ERC2: variants seen among roughly 807,000 people sequenced by gnomAD.
ERC2 encodes ELKS/RAB6-interacting/CAST family member 2.
In ERC2, 42 loss-of-function variants were observed where a neutral mutation model predicts 114.8. The ratio of observed to expected loss-of-function variants is 0.37; its 90% confidence interval spans 0.29 to 0.47. The LOEUF is 0.47. Ranked by LOEUF, ERC2 falls within the 20% of genes least tolerant of loss-of-function variation. ERC2 has a pLI of 0.99. For synonymous variants in ERC2, 454 were observed against 425.5 expected (o/e 1.07, Z -0.82); for missense variants, 939 against 1,150.7 (o/e 0.82, Z 2.66).
intron 12 of ERC2, among the ~76,000 whole-genome samples, chr3:55,957,003 A>T (rs2068003548): frequency 6.6e-6 from 1 of 152,202 alleles, no homozygotes; most frequent in Non-Finnish European, 1.5e-5. Flanking sequence ...CAACGCCAAC[A>T]TACTTAAAAA....
chr3:55,596,249 T>C (rs2058121747), intron 17 of ERC2, among the ~76,000 whole-genome samples: 1 of 152,040 alleles, frequency 6.6e-6, no homozygotes, highest in Non-Finnish European at 1.5e-5. Context: ...TCCAAATAGA[T>C]TAGTTACAAT....
chr3:55,644,351 GTTAT>G (rs1220667300), intron 17 of ERC2, among the ~76,000 whole-genome samples: 2 of 152,294 alleles, frequency 1.3e-5, no homozygotes, highest in South Asian at 2.1e-4. Flanking sequence ...CTTTGTGAAA[GTTAT>G]TTATTAAGAA....
chr3:55,605,006 T>C (rs370161472), intron 17 of ERC2, among the ~76,000 whole-genome samples: 1 of 152,238 alleles, frequency 6.6e-6, no homozygotes, highest in South Asian at 2.1e-4. Flanking sequence ...AGTCCCCAGG[T>C]GATGCGAGGA....
chr3:55,859,204 C>A (rs7430499), intron 14 of ERC2, among the ~76,000 whole-genome samples: 1 of 152,148 alleles, frequency 6.6e-6, no homozygotes, highest in Non-Finnish European at 1.5e-5. Context: ...CTGGGGGAGG[C>A]TACTGGACTT....
At chr3:56,117,401 C>T (rs898491976) in intron 6 of ERC2, among the ~76,000 whole-genome samples, 13 of 152,160 alleles carry the variant, frequency 8.5e-5, no homozygotes, top group Admixed American at 8.5e-4. Flanking sequence ...ACCATTTGGC[C>T]TCCATTCTAT....
intron 4 of ERC2, among the ~76,000 whole-genome samples, chr3:56,171,979 A>C (rs1465337892): frequency 6.1e-5 from 9 of 147,404 alleles, no homozygotes; most frequent in South Asian, 2.1e-4. Context: ...TTGCAAAAAC[A>C]AAAAACAAAA....
intron 14 of ERC2, among the ~76,000 whole-genome samples, chr3:55,836,803 G>C (rs1270040041): frequency 3.2e-4 from 48 of 152,220 alleles, no homozygotes; most frequent in Admixed American, 5.9e-4. Flanking sequence ...AAACTACGAT[G>C]AGAGTGAACA....
In ERC2 at chr3:56,332,864, G is replaced by C. The variant is rs116300215; in HGVS notation, c.658-36429C>G. Among the ~76,000 whole-genome samples, 1,458 of 152,220 alleles carry C rather than the reference G, an allele frequency of 9.6e-3. 13 individuals are homozygous for C. Among genetic ancestry groups the C allele is most frequent in the South Asian group, 0.027 (130 of 4,812 alleles). On this transcript the variant is annotated intron_variant, in intron 2 of 17. Transcript: ENST00000288221. ...TCAGATCCAAGGAGATAATCTGAGA[G>C]ACACTTTTCAATGGGGTTATGGAGG...
At chr3:55,863,784 AT>A (rs1196285526) in intron 14 of ERC2, among the ~76,000 whole-genome samples, 1 of 152,138 alleles carries the variant, frequency 6.6e-6, no homozygotes, top group Non-Finnish European at 1.5e-5. Flanking sequence ...TAATTAATAT[AT>A]AAATTATTAC....
chr3:56,078,850 ATATT>A (rs1462884118), intron 7 of ERC2, among the ~76,000 whole-genome samples: 1 of 148,668 alleles, frequency 6.7e-6, no homozygotes, highest in Non-Finnish European at 1.5e-5. Flanking sequence ...ATTTAAATAT[ATATT>A]TATTTATATT....
intron 6 of ERC2, among the ~76,000 whole-genome samples, chr3:56,127,891 G>T (rs2079971392): frequency 6.6e-6 from 1 of 151,970 alleles, no homozygotes; most frequent in African/African-American, 2.4e-5. Context: ...TTCAATAAAT[G>T]GTACTGGGAA....
At chr3:55,845,425 A>G (rs1209106017) in intron 14 of ERC2, among the ~76,000 whole-genome samples, 2 of 138,378 alleles carry the variant, frequency 1.4e-5, no homozygotes, top group Admixed American at 7.9e-5. Flanking sequence ...AATGCCGTGA[A>G]CCCGGGAGGC....
chr3:56,316,085 C>G (rs1284979659), intron 2 of ERC2, among the ~76,000 whole-genome samples: 1 of 151,912 alleles, frequency 6.6e-6, no homozygotes, highest in African/African-American at 2.4e-5. Flanking sequence ...CCTCTTGAAC[C>G]CATGCATCTG....
At chr3:55,761,410 G>GT (rs374219857) in intron 14 of ERC2, among the ~76,000 whole-genome samples, 85 of 147,360 alleles carry the variant, frequency 5.8e-4, no homozygotes, top group Admixed American at 2.9e-3. Flanking sequence ...TGTTTATCTG[G>GT]TTTTTTTTTT....
Position 55,510,613 on chromosome 3 carries a change from G to T in ERC2, c.*703C>A, listed in dbSNP as rs1313254585. The T allele has an allele frequency of 6.6e-6, 1 of 152,598 alleles. No homozygotes were observed. The highest frequency in any genetic ancestry group is 2.4e-5 in the African/African-American group (1 of 41,426). 9.5% of individuals were successfully genotyped at this position (152,598 alleles called of 1,614,324 possible). ...GCAAGCATTAGTGGTTTAAAAAATT[G>T]ATTTCTTTTCCAACCTGGCCCAGAG... On this transcript the variant is annotated 3_prime_UTR_variant, in exon 18 of 18. Transcript: ENST00000288221.
intron 17 of ERC2, chr3:55,607,732 G>A (rs2058706717): frequency 3.3e-5 from 5 of 151,916 alleles, no homozygotes; most frequent in Admixed American, 1.3e-4. Flanking sequence ...CGGGGTAAGG[G>A]AGATGCCATC....
At chr3:56,038,899 C>A (rs1372082731) in intron 7 of ERC2, among the ~76,000 whole-genome samples, 1 of 152,128 alleles carries the variant, frequency 6.6e-6, no homozygotes, top group African/African-American at 2.4e-5. Flanking sequence ...CATATGGACA[C>A]AGGGAAGGGA....
At chr3:55,916,092 A>G (rs2065075846) in intron 13 of ERC2, among the ~76,000 whole-genome samples, 1 of 152,146 alleles carries the variant, frequency 6.6e-6, no homozygotes, top group African/African-American at 2.4e-5. Flanking sequence ...CCATTCTGAG[A>G]GGAGTGCTAA....
intron 2 of ERC2, among the ~76,000 whole-genome samples, chr3:56,332,830 T>C (rs2057686141): frequency 6.6e-6 from 1 of 152,064 alleles, no homozygotes; most frequent in Admixed American, 6.5e-5. Flanking sequence ...CCCATTACAC[T>C]CCTAGGAATC....
Sources: allele counts gnomAD v4.1 joint callset (sites outside exome capture counted in the v4.1 genomes callset), GRCh38; gene constraint gnomAD v4.1.1; transcripts MANE v1.5; gene names NCBI Gene and HGNC (gene_info 2026-07-23, HGNC 2026-07-21).